Variants in KITLG observed in about 807,000 individuals in gnomAD.
KITLG encodes the protein KIT ligand, also known as c-Kit ligand.
Under a neutral mutation model 34.1 loss-of-function variants are expected in KITLG, and 13 were observed. The observed-to-expected ratio is 0.38, with a 90% CI of 0.25 to 0.61. KITLG has a LOEUF of 0.61. KITLG is among the 20% of genes least tolerant of loss of function. The probability of loss-of-function intolerance (pLI) is 0.60; values close to 1 mark genes in which losing one functional copy is unlikely to be tolerated. For missense variants in KITLG, 292 were observed against 318.9 expected (o/e 0.92, Z 0.64); for synonymous variants, 110 against 104.0 (o/e 1.06, Z -0.35).
Position 88,493,488 on chromosome 12 carries a change from A to G in KITLG, c.*3731T>C, listed in dbSNP as rs781243167. 1 of 152,182 alleles carries G rather than the reference A, an allele frequency of 6.6e-6. No individual in the cohort carries two copies. The highest frequency in any genetic ancestry group is 2.4e-5 in the African/African-American group (1 of 41,442). 9.4% of individuals were successfully genotyped at this position (152,182 alleles called of 1,614,324 possible). A position where few individuals can be genotyped will look rare whatever the true frequency, so the allele number is the denominator to read the frequency against. On this transcript the variant is annotated 3_prime_UTR_variant, in exon 10 of 10. Transcript: ENST00000644744. Reference sequence around the variant, plus strand: ...ATGAATTGTGTGATCAAACTCCACAAATGAGCTAATTAGAATTTCAATCTG... The same window carrying G: ...ATGAATTGTGTGATCAAACTCCACAGATGAGCTAATTAGAATTTCAATCTG...
At chr12:88,543,954 G>A (rs140555426) in intron 2 of KITLG, among the ~76,000 whole-genome samples, 81 of 152,064 alleles carry the variant, frequency 5.3e-4, no homozygotes, top group African/African-American at 2.0e-3. Flanking sequence ...GATCCTGCTT[G>A]GTCTTGTCAA....
At position 88,518,682 on chromosome 12, in the gene KITLG, T is replaced by C. The variant is rs1405870692; in HGVS notation, c.363+15A>G. On this transcript the variant is annotated intron_variant, in intron 4 of 9. Transcript: ENST00000644744. ...GAAGCGTAATGAAAAATAATCCCAA[T>C]GAACACAAAGTTACCTTAGATGAGT... 6.2e-7 allele frequency: 1 copy of C among 1,606,042 alleles called. No homozygotes were observed. The highest frequency in any genetic ancestry group is 1.3e-5 in the African/African-American group (1 of 74,826).
intron 3 of KITLG, among the ~76,000 whole-genome samples, chr12:88,532,068 AATG>A (rs1293204046): frequency 6.6e-6 from 1 of 152,142 alleles, no homozygotes; most frequent in African/African-American, 2.4e-5. Flanking sequence ...TATACAGAAG[AATG>A]TGCATAGGTT....
intron 1 of KITLG, among the ~76,000 whole-genome samples, chr12:88,574,438 T>C (rs1053130844): frequency 1.3e-5 from 2 of 152,146 alleles, no homozygotes; most frequent in African/African-American, 4.8e-5. Context: ...TTTGGCATAG[T>C]ATCATCTGCA....
intron 9 of KITLG, 64 bp downstream of exon 9, chr12:88,505,095 T>G: frequency 1.2e-6 from 1 of 824,286 alleles, no homozygotes; most frequent in Non-Finnish European, 2.0e-6. Flanking sequence ...ATTGTGCACA[T>G]GTACCCTAGA....
At chr12:88,559,303 T>A in intron 1 of KITLG, among the ~76,000 whole-genome samples, 1 of 152,334 alleles carries the variant, frequency 6.6e-6, no homozygotes, top group Admixed American at 6.5e-5. Flanking sequence ...AAGGAAATAC[T>A]CGAGAAGACA....
At position 88,506,306 on chromosome 12, in the gene KITLG, A is replaced by G. The variant is rs1206477152; in HGVS notation, c.782+5T>C. The G allele has an allele frequency of 1.9e-6, 3 of 1,595,334 alleles. No individual in the cohort carries two copies. Among genetic ancestry groups the G allele is most frequent in the Admixed American group, 3.3e-5 (2 of 59,990 alleles). ...ATTGGGCACACATTTAGCAAAACAA[A>G]ATACCTTATCTCATTATCCTCTTCA... On this transcript the variant is annotated splice_donor_5th_base_variant and intron_variant, in intron 8 of 9. Transcript: ENST00000644744.
chr12:88,536,894 T>G (rs1424926069), intron 2 of KITLG, among the ~76,000 whole-genome samples: 2 of 152,034 alleles, frequency 1.3e-5, no homozygotes, highest in Non-Finnish European at 2.9e-5. Flanking sequence ...GGTGAGGGGT[T>G]GATGGCTGCA....
chr12:88,509,801 G>T (rs1477861764), intron 6 of KITLG, among the ~76,000 whole-genome samples: 3 of 152,168 alleles, frequency 2.0e-5, no homozygotes, highest in African/African-American at 4.8e-5. Flanking sequence ...CAGACAAAAA[G>T]AACTTTATCA....
intron 6 of KITLG, among the ~76,000 whole-genome samples, chr12:88,512,435 T>C (rs1869311012): frequency 6.6e-6 from 1 of 151,976 alleles, no homozygotes; most frequent in African/African-American, 2.4e-5. Flanking sequence ...TATATGCAAG[T>C]AGTATCTCAG....
intron 1 of KITLG, among the ~76,000 whole-genome samples, chr12:88,573,868 T>G (rs1871738269): frequency 6.6e-6 from 1 of 152,136 alleles, no homozygotes; most frequent in African/African-American, 2.4e-5. Context: ...GCAAAGGCAT[T>G]CTTTGTGAGC....
chr12:88,571,133 C>A (rs1309213895), intron 1 of KITLG, among the ~76,000 whole-genome samples: 1 of 152,220 alleles, frequency 6.6e-6, no homozygotes, highest in South Asian at 2.1e-4. Flanking sequence ...AGCCCTATAG[C>A]CAAAGCCAGG....
At chr12:88,561,309 G>T (rs1386945990) in intron 1 of KITLG, among the ~76,000 whole-genome samples, 1 of 152,142 alleles carries the variant, frequency 6.6e-6, no homozygotes, top group African/African-American at 2.4e-5. Flanking sequence ...TTGCTGTCTA[G>T]AACAAGCATT....
Position 88,496,149 on chromosome 12 carries a change from TAA to T in KITLG, c.*1068_*1069del, listed in dbSNP as rs1175443194. ...TAATGGTGATTATACTATAAATAAC[TAA>T]AGTTTCCTGATTCCTTGCATTATAA... On this transcript the variant is annotated 3_prime_UTR_variant, in exon 10 of 10. Coordinates refer to ENST00000644744, the MANE Select transcript of KITLG (RefSeq NM_000899.5). 1.3e-5 allele frequency: 2 copies of T among 152,178 alleles called. No homozygotes were observed. The highest frequency in any genetic ancestry group is 2.9e-5 in the Non-Finnish European group (2 of 68,036). 9.4% of individuals were successfully genotyped at this position (152,178 alleles called of 1,614,324 possible). A position where few individuals can be genotyped will look rare whatever the true frequency, so the allele number is the denominator to read the frequency against.
chr12:88,524,069 C>T (rs1392734866), intron 3 of KITLG, among the ~76,000 whole-genome samples: 1 of 152,132 alleles, frequency 6.6e-6, no homozygotes, highest in African/African-American at 2.4e-5. Flanking sequence ...GTTTTTAGTC[C>T]CAACTCTGTC....
chr12:88,563,860 G>A (rs890883314), intron 1 of KITLG, among the ~76,000 whole-genome samples: 1 of 152,118 alleles, frequency 6.6e-6, no homozygotes, highest in African/African-American at 2.4e-5. Context: ...TACTAGGGAG[G>A]CTGAGGCAGG....
intron 6 of KITLG, among the ~76,000 whole-genome samples, chr12:88,511,714 T>C (rs1199461658): frequency 6.6e-6 from 1 of 152,094 alleles, no homozygotes; most frequent in African/African-American, 2.4e-5. Context: ...AGCTATAATC[T>C]TAGTAGAGGC....
intron 1 of KITLG, among the ~76,000 whole-genome samples, chr12:88,559,206 A>G (rs961712025): frequency 3.9e-5 from 6 of 152,220 alleles, no homozygotes; most frequent in Admixed American, 3.9e-4. Flanking sequence ...TAAAAACTCC[A>G]TTTATCAGAC....
intron 1 of KITLG, chr12:88,564,068 T>G (rs1464210845): frequency 6.6e-6 from 1 of 152,186 alleles, no homozygotes; most frequent in African/African-American, 2.4e-5. Context: ...TATTGTTATC[T>G]CTATTTTAGA....
Sources: allele counts gnomAD v4.1 joint callset (sites outside exome capture counted in the v4.1 genomes callset), GRCh38; gene constraint gnomAD v4.1.1; transcripts MANE v1.5; gene names NCBI Gene and HGNC (gene_info 2026-07-23, HGNC 2026-07-21).